PDE4B: variants seen among roughly 807,000 people sequenced by gnomAD.
The protein encoded by PDE4B is 3',5'-cyclic-AMP phosphodiesterase 4B.
Under a neutral mutation model 82.2 loss-of-function variants are expected in PDE4B, and 20 were observed. The observed-to-expected ratio is 0.24, with a 90% CI of 0.17 to 0.35. The LOEUF (loss-of-function observed/expected upper bound fraction) is 0.35. Ranked by LOEUF, PDE4B falls within the 10% of genes least tolerant of loss-of-function variation. PDE4B has a pLI of 1.00. For missense variants in PDE4B, 655 were observed against 907.2 expected (o/e 0.72, Z 3.57); for synonymous variants, 320 against 318.9 (o/e 1.00, Z -0.04).
chr1:66,210,533 T>C (rs1486491013), intron 3 of PDE4B, among the ~76,000 whole-genome samples: 1 of 142,388 alleles, frequency 7.0e-6, no homozygotes, highest in African/African-American at 2.7e-5. Flanking sequence ...GAAGCGTAGG[T>C]TGCAGTGAGC....
chr1:65,952,617 G>T (rs139345277), intron 3 of PDE4B, among the ~76,000 whole-genome samples: 8 of 152,146 alleles, frequency 5.3e-5, no homozygotes, highest in African/African-American at 1.9e-4. Context: ...CAGAGATGGA[G>T]GTTTCAGTGA....
Position 66,368,846 on chromosome 1 carries a change from G to A in PDE4B, c.1722G>A (p.Leu574=), listed in dbSNP as rs761908833. The change falls in exon 16 of 17, where the codon TTG becomes TTA. Residue 574 remains leucine, a synonymous_variant. Coordinates refer to ENST00000341517, the MANE Select transcript of PDE4B (RefSeq NM_002600.4). ...DLSNPTKSLE[L]YRQWTDRIME... is the part of the protein sequence containing the mutation. ...GCAACCCCACCAAGTCCTTGGAATTGTATCGGCAATGGACAGACCGCATCA... is the reference window on the plus strand; with the variant it reads ...GCAACCCCACCAAGTCCTTGGAATTATATCGGCAATGGACAGACCGCATCA... The A allele has an allele frequency of 6.2e-7, 1 of 1,613,340 alleles. No individual in the cohort carries two copies. The highest frequency in any genetic ancestry group is 1.3e-5 in the African/African-American group (1 of 74,978).
chr1:66,207,371 C>G (rs1341812398), intron 3 of PDE4B, among the ~76,000 whole-genome samples: 1 of 152,020 alleles, frequency 6.6e-6, no homozygotes. Context: ...AAACTGAACC[C>G]CAATTATTTA....
At chr1:65,876,707 T>G (rs1463631322) in intron 1 of PDE4B, among the ~76,000 whole-genome samples, 2 of 152,192 alleles carry the variant, frequency 1.3e-5, no homozygotes, top group Non-Finnish European at 2.9e-5. Flanking sequence ...TAACTGTTAC[T>G]TATAATCATA....
intron 3 of PDE4B, among the ~76,000 whole-genome samples, chr1:65,968,097 A>G (rs939997482): frequency 3.3e-5 from 5 of 152,142 alleles, no homozygotes; most frequent in African/African-American, 1.2e-4. Flanking sequence ...TGTTGCTAAT[A>G]CATAGAATGA....
At chr1:65,863,963 G>A (rs781364539) in intron 1 of PDE4B, among the ~76,000 whole-genome samples, 2 of 152,066 alleles carry the variant, frequency 1.3e-5, no homozygotes, top group Non-Finnish European at 2.9e-5. Context: ...GCCAGTCTGT[G>A]TCTTTTAATT....
chr1:65,960,719 T>A (rs1329931243), intron 3 of PDE4B, among the ~76,000 whole-genome samples: 1 of 152,196 alleles, frequency 6.6e-6, no homozygotes, highest in Admixed American at 6.6e-5. Context: ...GGCACCAGTT[T>A]CTAACTTAGA....
chr1:66,295,009 T>A (rs1214439916), intron 7 of PDE4B, among the ~76,000 whole-genome samples: 1 of 152,194 alleles, frequency 6.6e-6, no homozygotes, highest in Non-Finnish European at 1.5e-5. Context: ...GTGTGTATAT[T>A]TTCCTCACTT....
intron 1 of PDE4B, among the ~76,000 whole-genome samples, chr1:65,820,060 G>A (rs1223277503): frequency 6.6e-6 from 1 of 152,140 alleles, no homozygotes; most frequent in Non-Finnish European, 1.5e-5. Context: ...ACTAAGTGAA[G>A]GTTTTCAGAT....
chr1:65,860,895 T>G (rs564802353), intron 1 of PDE4B, among the ~76,000 whole-genome samples: 2 of 152,246 alleles, frequency 1.3e-5, no homozygotes, highest in South Asian at 4.1e-4. Flanking sequence ...GATGGGGACA[T>G]TTGTTTTTTT....
At chr1:66,019,775 TTTG>T (rs1652986002) in intron 3 of PDE4B, among the ~76,000 whole-genome samples, 1 of 152,248 alleles carries the variant, frequency 6.6e-6, no homozygotes, top group South Asian at 2.1e-4. Context: ...ACAATATTCT[TTTG>T]TTGTTTAATC....
chr1:66,026,242 C>G (rs1460525769), intron 3 of PDE4B, among the ~76,000 whole-genome samples: 1 of 152,194 alleles, frequency 6.6e-6, no homozygotes, highest in African/African-American at 2.4e-5. Flanking sequence ...CATGCCTACA[C>G]TTTCAGCTTT....
chr1:65,919,620 ATGTGT>A (rs1647202105), intron 3 of PDE4B, among the ~76,000 whole-genome samples: 1 of 152,228 alleles, frequency 6.6e-6, no homozygotes, highest in Non-Finnish European at 1.5e-5. Context: ...TAAATTAATA[ATGTGT>A]TGCTTTTAAA....
chr1:65,953,248 A>G (rs571356041), intron 3 of PDE4B, among the ~76,000 whole-genome samples: 1 of 152,088 alleles, frequency 6.6e-6, no homozygotes, highest in Non-Finnish European at 1.5e-5. Flanking sequence ...CACACATCAT[A>G]TATGTATTTA....
At chr1:66,257,378 A>T (rs1654317897) in intron 4 of PDE4B, 1 of 615,380 alleles carries the variant, frequency 1.6e-6, no homozygotes, top group Admixed American at 2.2e-5. Context: ...ATTTAATGGG[A>T]ATATATCCTG....
intron 3 of PDE4B, among the ~76,000 whole-genome samples, chr1:66,066,386 A>T (rs935070409): frequency 6.6e-6 from 1 of 151,866 alleles, no homozygotes; most frequent in Non-Finnish European, 1.5e-5. Context: ...AGTATTTATT[A>T]TGCAAATTTC....
At chr1:65,888,883 T>G (rs539507024) in intron 1 of PDE4B, among the ~76,000 whole-genome samples, 4 of 152,220 alleles carry the variant, frequency 2.6e-5, no homozygotes, top group Admixed American at 6.6e-5. Flanking sequence ...GATATTGAAT[T>G]ACACCATCTG....
At chr1:66,075,931 A>T (rs1181830768) in intron 3 of PDE4B, among the ~76,000 whole-genome samples, 1 of 112,942 alleles carries the variant, frequency 8.9e-6, no homozygotes, top group Non-Finnish European at 2.0e-5. Context: ...AAACAAAAAA[A>T]ACAAAACACC....
intron 1 of PDE4B, among the ~76,000 whole-genome samples, chr1:65,887,112 CCCTCCCTCCCT>C (rs1431316218): frequency 6.0e-5 from 9 of 149,582 alleles, no homozygotes; most frequent in Middle Eastern, 3.4e-3. Context: ...TCCCATTTTT[CCCTCCCTCCCT>C]CCTTCCCTCC....
Sources: gnomAD v4.1 joint callset for allele counts (sites outside exome capture counted in the v4.1 genomes callset) on GRCh38, gnomAD v4.1.1 for gene constraint, MANE v1.5 for transcripts, NCBI Gene and HGNC (gene_info 2026-07-23, HGNC 2026-07-21) for gene names.